Variants in DLGAP2 observed in about 807,000 individuals in gnomAD.
The protein encoded by DLGAP2 is DLG associated protein 2.
In DLGAP2, 26 loss-of-function variants were observed where a neutral mutation model predicts 100.3. The ratio of observed to expected loss-of-function variants is 0.26; its 90% CI spans 0.19 to 0.36. The LOEUF (loss-of-function observed/expected upper bound fraction) is 0.36. Ranked by LOEUF, DLGAP2 falls within the 10% of genes least tolerant of loss-of-function variation. DLGAP2 has a pLI of 1.00. For missense variants in DLGAP2, 1,858 were observed against 1,453.2 expected, an observed-to-expected ratio of 1.28 and a Z score of -4.53; for synonymous variants, 886 against 630.1, an observed-to-expected ratio of 1.41 and a Z score of -6.08.
At chr8:1,586,672 C>T (rs1269696029) in intron 6 of DLGAP2, among the ~76,000 whole-genome samples, 1 of 152,240 alleles carries the variant, frequency 6.6e-6, no homozygotes, top group Non-Finnish European at 1.5e-5. Flanking sequence ...AGAGGTACCA[C>T]GTGCGTCCTT....
intron 13 of DLGAP2, 38 bp downstream of exon 13, chr8:1,691,664 C>G (rs750607547): frequency 6.7e-7 from 1 of 1,495,654 alleles, no homozygotes; most frequent in East Asian, 2.3e-5. Context: ...TCCCTGTAAC[C>G]AAGCTAATGG....
rs182889801 is a variant in DLGAP2, at chr8:838,614, G to A, written c.19-69298G>A. 2.4e-3 allele frequency among the ~76,000 whole-genome samples: 367 copies of A among 151,522 alleles called. 2 individuals carry two copies. The highest frequency in any genetic ancestry group is 2.0e-3 in the Non-Finnish European group (134 of 67,872). On this transcript the variant is annotated intron_variant, in intron 1 of 14. Coordinates refer to ENST00000637795, the MANE Select transcript of DLGAP2 (RefSeq NM_001346810.2). ...TTTCTAGCTTGGACAAGTGCTCAGG[G>A]ACACCAAAAAAAGGGAAAAGCTCTT...
intron 3 of DLGAP2, among the ~76,000 whole-genome samples, chr8:1,360,137 G>T (rs953758386): frequency 6.6e-6 from 1 of 151,968 alleles, no homozygotes; most frequent in African/African-American, 2.4e-5. Flanking sequence ...CTTGCCTTCT[G>T]GGTGTGACCT....
chr8:737,957 G>A (rs1315977960), intron 1 of DLGAP2, 132 bp downstream of exon 1: 3 of 340,960 alleles, frequency 8.8e-6, no homozygotes, highest in East Asian at 8.9e-5. Flanking sequence ...GCGAGCGGGG[G>A]TCGTGCCGCC....
chr8:913,021 T>C (rs1444774184), intron 2 of DLGAP2, among the ~76,000 whole-genome samples: 1 of 152,252 alleles, frequency 6.6e-6, no homozygotes, highest in Non-Finnish European at 1.5e-5. Flanking sequence ...AAATGAAATA[T>C]TGGATTGAAA....
At chr8:1,240,715 C>G (rs1484263927) in intron 2 of DLGAP2, among the ~76,000 whole-genome samples, 2 of 148,262 alleles carry the variant, frequency 1.3e-5, no homozygotes, top group African/African-American at 2.5e-5. Context: ...GGTGACGTGT[C>G]TAGTTCTCTC....
intron 3 of DLGAP2, among the ~76,000 whole-genome samples, chr8:1,433,084 TC>T (rs1185483917): frequency 1.3e-5 from 2 of 152,060 alleles, no homozygotes; most frequent in Admixed American, 6.5e-5. Context: ...GCTTTGGGAC[TC>T]CCTTGCCGAG....
intron 3 of DLGAP2, among the ~76,000 whole-genome samples, chr8:1,438,497 C>T (rs962282338): frequency 9.2e-5 from 14 of 152,208 alleles, no homozygotes; most frequent in African/African-American, 2.6e-4. Context: ...AAAAAACCAC[C>T]ATACGTATGT....
Position 1,331,958 on chromosome 8 carries a change from C to A in DLGAP2, c.106+73075C>A, listed in dbSNP as rs1315097996. Among the ~76,000 whole-genome samples, 3 of 152,068 alleles carry A rather than the reference C, an allele frequency of 2.0e-5. No homozygotes were observed. The East Asian group carries it at 5.8e-4, about 30-fold the overall frequency. On this transcript the variant is annotated intron_variant, in intron 3 of 14. Transcript: ENST00000637795. The stretch of plus-strand genomic sequence containing the variant: ...GAGCCACTGGGGAGGGCACAGCCAC[C>A]TCCTGCCAACCCCCTGAACAGCCCC...
chr8:1,553,014 G>A (rs1298689226), intron 5 of DLGAP2, among the ~76,000 whole-genome samples: 2 of 152,186 alleles, frequency 1.3e-5, no homozygotes, highest in African/African-American at 4.8e-5. Flanking sequence ...CTTAGCTCAG[G>A]ATGCCAAAGG....
At chr8:1,137,979 C>T (rs1796452419) in intron 2 of DLGAP2, among the ~76,000 whole-genome samples, 1 of 152,098 alleles carries the variant, frequency 6.6e-6, no homozygotes, top group African/African-American at 2.4e-5. Context: ...TCAAGCAATC[C>T]ACCCGCCTCA....
intron 2 of DLGAP2, among the ~76,000 whole-genome samples, chr8:1,229,515 G>T (rs1798489963): frequency 6.6e-6 from 1 of 151,418 alleles, no homozygotes; most frequent in African/African-American, 2.4e-5. Context: ...GTGTGTAGAG[G>T]TTTCATAATA....
chr8:1,228,694 C>T (rs1585170524), intron 2 of DLGAP2, among the ~76,000 whole-genome samples: 1 of 152,194 alleles, frequency 6.6e-6, no homozygotes, highest in Non-Finnish European at 1.5e-5. Context: ...AAAATGACAT[C>T]AACTCAATAG....
intron 7 of DLGAP2, among the ~76,000 whole-genome samples, chr8:1,628,500 G>C (rs901685496): frequency 7.0e-6 from 1 of 143,548 alleles, no homozygotes; most frequent in Non-Finnish European, 1.5e-5. Context: ...CTGACTTACT[G>C]TGGAGCAGGA....
At chr8:1,673,807 C>G (rs1798747020) in intron 10 of DLGAP2, among the ~76,000 whole-genome samples, 1 of 152,130 alleles carries the variant, frequency 6.6e-6, no homozygotes, top group Non-Finnish European at 1.5e-5. Context: ...GCTCCAAAAA[C>G]TGTATTTTTC....
intron 1 of DLGAP2, among the ~76,000 whole-genome samples, chr8:901,410 GA>G (rs1249756350): frequency 6.6e-6 from 1 of 152,214 alleles, no homozygotes; most frequent in Non-Finnish European, 1.5e-5. Flanking sequence ...TCTCTTTATT[GA>G]TAAAAAGTAA....
intron 3 of DLGAP2, among the ~76,000 whole-genome samples, chr8:1,338,823 A>AGTGAGGCGTCAGGACCCGGG (rs1563092307): frequency 1.6e-5 from 1 of 61,784 alleles, no homozygotes; most frequent in Non-Finnish European, 3.2e-5. Context: ...GCAGTGACCT[A>AGTGAGGCGTCAGGACCCGGG]AGGGAAGTGT....
At chr8:1,296,729 T>G (rs1800186305) in intron 3 of DLGAP2, among the ~76,000 whole-genome samples, 1 of 152,206 alleles carries the variant, frequency 6.6e-6, no homozygotes, top group African/African-American at 2.4e-5. Context: ...TCAAAGGCTC[T>G]TTGGGTTCGC....
intron 2 of DLGAP2, among the ~76,000 whole-genome samples, chr8:1,153,743 T>C (rs1796734765): frequency 6.6e-6 from 1 of 152,218 alleles, no homozygotes; most frequent in Admixed American, 6.5e-5. Context: ...TAGCTCTGCT[T>C]AGCGGCAGAC....
Sources: gnomAD v4.1 joint callset for allele counts (sites outside exome capture counted in the v4.1 genomes callset) on GRCh38, gnomAD v4.1.1 for gene constraint, MANE v1.5 for transcripts, NCBI Gene and HGNC (gene_info 2026-07-23, HGNC 2026-07-21) for gene names.